Variants in CFAP299 observed in about 807,000 individuals in gnomAD.
The protein encoded by CFAP299 is cilia and flagella associated protein 299, also known as cilia- and flagella-associated protein 299.
A neutral mutation model predicts 27.0 loss-of-function variants in CFAP299; 21 were observed. The observed-to-expected ratio is 0.78, with a 90% CI of 0.55 to 1.12. The LOEUF is 1.12. Ranked by LOEUF, CFAP299 falls within the 50% of genes most tolerant of loss-of-function variation. The probability of loss-of-function intolerance (pLI) is 0.00; values close to 1 mark genes in which losing one functional copy is unlikely to be tolerated. For synonymous variants in CFAP299, 104 were observed against 98.1 expected (o/e 1.06, Z -0.36); for missense variants, 310 against 276.6 (o/e 1.12, Z -0.86).
At chr4:80,416,741 A>G (rs1017488306) in intron 2 of CFAP299, among the ~76,000 whole-genome samples, 30 of 152,214 alleles carry the variant, frequency 2.0e-4, no homozygotes, top group African/African-American at 6.3e-4. Flanking sequence ...CTCCCTGCAT[A>G]TAAATGTAGC....
intron 3 of CFAP299, among the ~76,000 whole-genome samples, chr4:80,663,149 T>A (rs995246403): frequency 2.6e-5 from 4 of 152,172 alleles, no homozygotes; most frequent in Non-Finnish European, 4.4e-5. Flanking sequence ...TATTTCTTAA[T>A]TATAATTTAA....
At chr4:80,687,570 T>A (rs1299539304) in intron 3 of CFAP299, among the ~76,000 whole-genome samples, 1 of 152,186 alleles carries the variant, frequency 6.6e-6, no homozygotes, top group Non-Finnish European at 1.5e-5. Context: ...GTACATGCTT[T>A]GTAAATAATT....
chr4:80,774,937 T>A (rs1344384418), intron 3 of CFAP299, among the ~76,000 whole-genome samples: 1 of 151,920 alleles, frequency 6.6e-6, no homozygotes, highest in African/African-American at 2.4e-5. Flanking sequence ...AGTGCTTACA[T>A]TTGGTGAATA....
At chr4:80,558,621 T>C (rs1441595532) in intron 2 of CFAP299, among the ~76,000 whole-genome samples, 1 of 152,048 alleles carries the variant, frequency 6.6e-6, no homozygotes, top group South Asian at 2.1e-4. Flanking sequence ...TCATAGGAAT[T>C]GAACAAATTT....
At chr4:80,627,635 T>C (rs1224358806) in intron 3 of CFAP299, among the ~76,000 whole-genome samples, 1 of 152,052 alleles carries the variant, frequency 6.6e-6, no homozygotes, top group African/African-American at 2.4e-5. Context: ...ATCTAGTAAA[T>C]TGAGTAAAGT....
At chr4:80,638,219 G>T (rs1258279667) in intron 3 of CFAP299, among the ~76,000 whole-genome samples, 4 of 152,150 alleles carry the variant, frequency 2.6e-5, no homozygotes. Context: ...TTTTCACAGT[G>T]CCATCCTGAT....
At chr4:80,686,636 C>T (rs1373555375) in intron 3 of CFAP299, among the ~76,000 whole-genome samples, 4 of 152,126 alleles carry the variant, frequency 2.6e-5, no homozygotes, top group Non-Finnish European at 4.4e-5. Flanking sequence ...GAATGCAGCA[C>T]CAAATTCCAA....
intron 2 of CFAP299, among the ~76,000 whole-genome samples, chr4:80,369,180 G>T (rs1264009898): frequency 6.6e-6 from 1 of 152,210 alleles, no homozygotes; most frequent in African/African-American, 2.4e-5. Flanking sequence ...GAAGCTGTCA[G>T]CTCATGAAGC....
rs939802462 is a variant in CFAP299, at chr4:80,798,625, A to C, written c.334-71368A>C. ...TTCAGCTCTTTCTCTACAGGAGATAAGATTCCAACTCAGGACAATCTTAGC... is the reference window on the plus strand; with the variant it reads ...TTCAGCTCTTTCTCTACAGGAGATACGATTCCAACTCAGGACAATCTTAGC... On this transcript the variant is annotated intron_variant, in intron 3 of 5. Transcript: ENST00000358105. 3.3e-5 allele frequency among the ~76,000 whole-genome samples: 5 copies of C among 152,220 alleles called. No individual in the cohort carries two copies. In the East Asian group the frequency reaches 7.7e-4, roughly 24 times the overall value.
At chr4:80,647,291 A>ATGT (rs1302452982) in intron 3 of CFAP299, among the ~76,000 whole-genome samples, 1 of 152,146 alleles carries the variant, frequency 6.6e-6, no homozygotes, top group Non-Finnish European at 1.5e-5. Context: ...CATGGAGCTG[A>ATGT]ATCAAACATC....
intron 3 of CFAP299, among the ~76,000 whole-genome samples, chr4:80,729,179 AGTT>A (rs1177613914): frequency 5.3e-5 from 8 of 152,210 alleles, no homozygotes; most frequent in African/African-American, 1.9e-4. Context: ...GCAGAGCAGT[AGTT>A]AAGTTTCTGT....
chr4:80,930,044 A>G (rs570633233), intron 4 of CFAP299, among the ~76,000 whole-genome samples: 1 of 152,282 alleles, frequency 6.6e-6, no homozygotes, highest in African/African-American at 2.4e-5. Flanking sequence ...ACCAGAAAGA[A>G]CAAAGCTTGA....
At position 80,535,494 on chromosome 4, in the gene CFAP299, C is replaced by CAAAA. The variant is rs143122836; in HGVS notation, c.243-47572_243-47569dup. On this transcript the variant is annotated intron_variant, in intron 2 of 5. Coordinates refer to ENST00000358105, the MANE Select transcript of CFAP299 (RefSeq NM_152770.3). ...TGGGCGACAGAGCGAGACTCCGTCT[C>CAAAA]AAAAAAAAAAAAAAAAAAAAAAAAA... 2.9e-3 allele frequency among the ~76,000 whole-genome samples: 95 copies of CAAAA among 33,270 alleles called. 4 individuals carry two copies. Among genetic ancestry groups the CAAAA allele is most frequent in the Non-Finnish European group, 5.5e-3 (67 of 12,122 alleles). The allele number at this position is 33,270 out of a possible 152,430, so 21.8% of individuals were successfully genotyped here.
intron 2 of CFAP299, among the ~76,000 whole-genome samples, chr4:80,506,474 C>A (rs564020069): frequency 9.2e-5 from 14 of 152,028 alleles, no homozygotes; most frequent in Non-Finnish European, 1.9e-4. Flanking sequence ...CTAAGAAATG[C>A]TTTGAGTGAA....
chr4:80,517,044 G>C (rs553881287), intron 2 of CFAP299, among the ~76,000 whole-genome samples: 75 of 152,248 alleles, frequency 4.9e-4, no homozygotes, highest in Non-Finnish European at 9.4e-4. Context: ...ATGAATGAGT[G>C]GATTAAGCTA....
intron 3 of CFAP299, among the ~76,000 whole-genome samples, chr4:80,840,365 T>C (rs1730796021): frequency 1.3e-5 from 2 of 152,104 alleles, no homozygotes; most frequent in Non-Finnish European, 1.5e-5. Flanking sequence ...GACATGACAT[T>C]TAAACTGACA....
At chr4:80,336,679 G>T (rs982832898) in intron 1 of CFAP299, 4 of 152,242 alleles carry the variant, frequency 2.6e-5, no homozygotes, top group African/African-American at 9.7e-5. Flanking sequence ...GGAGGCGGAC[G>T]ATGGCTCCTA....
At chr4:80,622,511 C>T (rs1483378622) in intron 3 of CFAP299, among the ~76,000 whole-genome samples, 2 of 152,114 alleles carry the variant, frequency 1.3e-5, no homozygotes, top group East Asian at 3.9e-4. Context: ...TTTCTATAGG[C>T]ATCTTTTCTA....
chr4:80,812,249 T>C (rs1171571789), intron 3 of CFAP299, among the ~76,000 whole-genome samples: 2 of 152,126 alleles, frequency 1.3e-5, no homozygotes, highest in Non-Finnish European at 2.9e-5. Context: ...TCAACTCTTA[T>C]GTGCCATAGC....
Sources: allele counts gnomAD v4.1 joint callset (sites outside exome capture counted in the v4.1 genomes callset), GRCh38; gene constraint gnomAD v4.1.1; transcripts MANE v1.5; gene names NCBI Gene and HGNC (gene_info 2026-07-23, HGNC 2026-07-21).